Variants in PLA2G4C observed in about 807,000 individuals in gnomAD.
PLA2G4C encodes the protein phospholipase A2 group IVC, also known as cytosolic phospholipase A2 gamma.
A neutral mutation model predicts 73.8 loss-of-function variants in PLA2G4C; 64 were observed. That is an observed-to-expected ratio of 0.87 (90% CI 0.71 to 1.07). The LOEUF is 1.07. PLA2G4C is among the 50% of genes least tolerant of loss of function. The probability of loss-of-function intolerance (pLI) is 0.00; values close to 1 mark genes in which losing one functional copy is unlikely to be tolerated. For missense variants in PLA2G4C, 622 were observed against 665.4 expected (o/e 0.93, Z 0.72); for synonymous variants, 254 against 252.1 (o/e 1.01, Z -0.07).
In PLA2G4C at chr19:48,062,055, C is replaced by T. The variant is rs1431068536; in HGVS notation, c.1200G>A (p.Pro400=). The T allele has an allele frequency of 1.2e-6, 2 of 1,613,770 alleles. No homozygotes were observed. Among genetic ancestry groups the T allele is most frequent in the East Asian group, 2.2e-5 (1 of 44,842 alleles). ...INTPFPLVLP[P]TREVHLILSF... is the part of the protein sequence containing the mutation. The stretch of plus-strand genomic sequence containing the variant: ...AGAGGATGAGGTGAACCTCCCGCGT[C>T]GGGGGCAGCACGAGTGGGAAGGGAG... The change falls in exon 14 of 17, where the codon CCG becomes CCA. Residue 400 remains proline (P), a synonymous_variant. Transcript: ENST00000599921.
At chr19:48,083,392 C>CTTTTTTTTTTTTTTTTTTTTTTTTT in intron 10 of PLA2G4C, among the ~76,000 whole-genome samples, 2 of 105,838 alleles carry the variant, frequency 1.9e-5, no homozygotes, top group African/African-American at 3.6e-5. Flanking sequence ...ATTTTCTTTT[C>CTTTTTTTTTTTTTTTTTTTTTTTTT]TTTTTTTTTT....
intron 4 of PLA2G4C, among the ~76,000 whole-genome samples, chr19:48,100,478 G>A (rs140435276): frequency 0.036 from 5,459 of 151,886 alleles, 209 homozygotes; most frequent in African/African-American, 0.099. Context: ...GGTGGCACAC[G>A]CCTGTGGTCC....
chr19:48,074,451 G>C (rs2029997153), intron 12 of PLA2G4C: 1 of 362,832 alleles, frequency 2.8e-6, no homozygotes, highest in Admixed American at 4.4e-5. Context: ...ACATACATGT[G>C]CCTGTATCTT....
In PLA2G4C at chr19:48,089,451, G is replaced by A. The variant is rs1447686674; in HGVS notation, c.764-739C>T. On this transcript the variant is annotated intron_variant, in intron 8 of 16. Transcript: ENST00000599921. ...AACAACAAAAAAAGTCAAAGTGTAA[G>A]AACTAGGACAGTGCCTGGCACACAG... Among the ~76,000 whole-genome samples the A allele has an allele frequency of 2.0e-5, 3 of 152,168 alleles. No homozygotes were observed. In the East Asian group the frequency reaches 5.8e-4, roughly 29 times the overall value.
In PLA2G4C at chr19:48,105,431, T is replaced by C. The variant is rs1277390473; in HGVS notation, c.22A>G (p.Ile8Val). 3.1e-6 allele frequency: 5 copies of C among 1,612,994 alleles called. No individual in the cohort carries two copies. Among genetic ancestry groups the C allele is most frequent in the Non-Finnish European group, 4.2e-6 (5 of 1,179,416 alleles). Residue 8 changes from isoleucine (I) to valine (V), a missense_variant, in exon 3 of 17, where the codon ATA becomes GTA. By Grantham distance (29) the Ile-to-Val change is conservative. Coordinates refer to ENST00000599921, the MANE Select transcript of PLA2G4C (RefSeq NM_003706.3). MGSSEVS[I>V]IPGLQKEEKA... ...TCTTCTTTCTGGAGCCCAGGAATTA[T>C]GGAAACTTCAGAGCTTCCCAGGAGA...
chr19:48,107,639 A>G (rs2122167897), intron 1 of PLA2G4C, among the ~76,000 whole-genome samples: 1 of 151,798 alleles, frequency 6.6e-6, no homozygotes, highest in African/African-American at 2.4e-5. Flanking sequence ...GTTAGGGAAG[A>G]CTCTGCTCCA....
intron 3 of PLA2G4C, 34 bp downstream of exon 3, chr19:48,105,299 G>T: frequency 1.4e-6 from 2 of 1,473,276 alleles, no homozygotes; most frequent in Non-Finnish European, 1.9e-6. Flanking sequence ...GGCGATTCTG[G>T]GATCTCTGGG....
intron 8 of PLA2G4C, 40 bp from the exon 9 acceptor site, chr19:48,088,752 A>T: frequency 6.9e-7 from 1 of 1,448,656 alleles, no homozygotes; most frequent in Non-Finnish European, 9.7e-7. Context: ...TTATCTGTAC[A>T]ACAAAGTCCC....
chr19:48,103,552 C>T (rs551906486), intron 4 of PLA2G4C: 1 of 152,478 alleles, frequency 6.6e-6, no homozygotes, highest in African/African-American at 2.4e-5. Context: ...TCTGCCTAGC[C>T]TTACCTCCTG....
chr19:48,068,003 C>T, intron 12 of PLA2G4C, 117 bp from the exon 13 acceptor site: 1 of 781,090 alleles, frequency 1.3e-6, no homozygotes, highest in Non-Finnish European at 2.3e-6. Context: ...GGAGACAGGA[C>T]TTTTAAAGAG....
At chr19:48,067,632 A>G (rs1202466475) in intron 13 of PLA2G4C, among the ~76,000 whole-genome samples, 159 bp downstream of exon 13, 1 of 152,132 alleles carries the variant, frequency 6.6e-6, no homozygotes, top group East Asian at 1.9e-4. Flanking sequence ...CACTGAGCGA[A>G]AGTTCCCCTA....
intron 10 of PLA2G4C, among the ~76,000 whole-genome samples, chr19:48,082,496 C>CTTTTTTTTTTT (rs66641645): frequency 1.3e-4 from 14 of 106,276 alleles, no homozygotes; most frequent in South Asian, 3.2e-4. Flanking sequence ...TTCTTTCTTT[C>CTTTTTTTTTTT]TTTTTTTTTT....
chr19:48,107,057 C>G (rs2032272071), intron 1 of PLA2G4C, among the ~76,000 whole-genome samples: 1 of 152,144 alleles, frequency 6.6e-6, no homozygotes, highest in African/African-American at 2.4e-5. Flanking sequence ...GTTGGCCAGG[C>G]TGGGCTTGAA....
At position 48,085,057 on chromosome 19, in the gene PLA2G4C, A is replaced by C. The variant is rs770199574; in HGVS notation, c.844+2T>G. Reference sequence around the variant, plus strand: ...TGACCTTTCTGTTCCCCAAATACTCACCAAAAATAAGGTGTCCAATGCTTT... The same window carrying C: ...TGACCTTTCTGTTCCCCAAATACTCCCCAAAAATAAGGTGTCCAATGCTTT... On this transcript the variant is annotated splice_donor_variant, in intron 10 of 16. Transcript: ENST00000599921. LOFTEE classifies it high-confidence loss of function. 1.7e-5 allele frequency: 27 copies of C among 1,605,928 alleles called. No individual in the cohort carries two copies. Among genetic ancestry groups the C allele is most frequent in the Non-Finnish European group, 2.3e-5 (27 of 1,172,688 alleles).
chr19:48,048,118 C>T lies in PLA2G4C; in HGVS notation c.*225G>A. The stretch of plus-strand genomic sequence containing the variant: ...GCTCCAGGATCTCCCGAGGGACCTG[C>T]AGGACAAATTTCACCACCTTCAGCT... On this transcript the variant is annotated 3_prime_UTR_variant, in exon 17 of 17. Transcript: ENST00000599921. 1.9e-6 allele frequency: 1 copy of T among 528,366 alleles called. No homozygotes were observed. The highest frequency in any genetic ancestry group is 3.3e-6 in the Non-Finnish European group (1 of 304,924). 32.7% of individuals were successfully genotyped at this position (528,366 alleles called of 1,614,324 possible). A position where few individuals can be genotyped will look rare whatever the true frequency, so the allele number is the denominator to read the frequency against.
At chr19:48,104,495 C>T (rs755288949) in intron 4 of PLA2G4C, 93 bp downstream of exon 4, 34 of 1,225,628 alleles carry the variant, frequency 2.8e-5, no homozygotes, top group Non-Finnish European at 3.5e-5. Context: ...CGAGAAGCAG[C>T]GTTGGAAAAA....
chr19:48,076,708 A>C (rs1600200564), intron 11 of PLA2G4C, among the ~76,000 whole-genome samples: 1 of 150,910 alleles, frequency 6.6e-6, no homozygotes, highest in Non-Finnish European at 1.5e-5. Flanking sequence ...ATGCCACTGC[A>C]CTCTAGCCTG....
intron 11 of PLA2G4C, 69 bp downstream of exon 11, chr19:48,077,702 A>T: frequency 8.6e-7 from 1 of 1,168,880 alleles, no homozygotes; most frequent in South Asian, 1.4e-5. Context: ...TTTTAGGACA[A>T]TGGCTGGCTT....
At chr19:48,105,612 T>A in intron 2 of PLA2G4C, 168 bp from the exon 3 acceptor site, 1 of 590,976 alleles carries the variant, frequency 1.7e-6, no homozygotes, top group Non-Finnish European at 3.0e-6. Context: ...GAGGTGATGG[T>A]TGTACAACAC....
Sources: gnomAD v4.1 joint callset for allele counts (sites outside exome capture counted in the v4.1 genomes callset) on GRCh38, gnomAD v4.1.1 for gene constraint, MANE v1.5 for transcripts, NCBI Gene and HGNC (gene_info 2026-07-23, HGNC 2026-07-21) for gene names.